LRBA: variants seen among roughly 807,000 people sequenced by gnomAD.
LRBA encodes lipopolysaccharide-responsive and beige-like anchor protein.
A neutral mutation model predicts 330.0 loss-of-function variants in LRBA; 176 were observed. The ratio of observed to expected loss-of-function variants is 0.53; its 90% CI spans 0.47 to 0.60. The LOEUF is 0.60. Among genes scored for constraint, LRBA ranks in the 20% least tolerant of loss-of-function variants. The probability of loss-of-function intolerance (pLI) is 0.00; values close to 1 mark genes in which losing one functional copy is unlikely to be tolerated. For missense variants in LRBA, 3,259 were observed against 3,444.8 expected (o/e 0.95, Z 1.35); for synonymous variants, 1,230 against 1,193.0 (o/e 1.03, Z -0.64).
chr4:150,421,187 A>G (rs1222888335), intron 46 of LRBA, among the ~76,000 whole-genome samples: 1 of 134,812 alleles, frequency 7.4e-6, no homozygotes, highest in Non-Finnish European at 1.5e-5. Context: ...TAGATAATAT[A>G]TAAAACATAT....
At chr4:150,654,469 A>G (rs1176140660) in intron 37 of LRBA, among the ~76,000 whole-genome samples, 1 of 152,176 alleles carries the variant, frequency 6.6e-6, no homozygotes, top group Non-Finnish European at 1.5e-5. Flanking sequence ...GATTGCAGGC[A>G]CGAGGCACTG....
At chr4:150,354,294 C>CA (rs1210654458) in intron 47 of LRBA, among the ~76,000 whole-genome samples, 2 of 151,676 alleles carry the variant, frequency 1.3e-5, no homozygotes, top group African/African-American at 2.4e-5. Context: ...TTTTTAGTTA[C>CA]AAAAAAATGA....
intron 37 of LRBA, among the ~76,000 whole-genome samples, chr4:150,605,683 C>T (rs545566088): frequency 1.3e-5 from 2 of 152,132 alleles, no homozygotes; most frequent in East Asian, 1.9e-4. Context: ...AAAGGTTTCA[C>T]ATTCTGTATA....
chr4:150,818,263 A>G (rs1302929952), intron 30 of LRBA, among the ~76,000 whole-genome samples: 1 of 152,070 alleles, frequency 6.6e-6, no homozygotes, highest in African/African-American at 2.4e-5. Context: ...AAAGCAAAAT[A>G]GGTTTCGTTT....
intron 47 of LRBA, among the ~76,000 whole-genome samples, chr4:150,402,406 A>G (rs1017263804): frequency 1.3e-5 from 2 of 152,142 alleles, no homozygotes; most frequent in Non-Finnish European, 2.9e-5. Context: ...GAAAGAAAGA[A>G]GCGGGGAAGA....
chr4:150,376,639 G>T (rs1359879453), intron 47 of LRBA, among the ~76,000 whole-genome samples: 2 of 152,024 alleles, frequency 1.3e-5, no homozygotes, highest in Non-Finnish European at 2.9e-5. Flanking sequence ...GCATTTAGTT[G>T]TTGTGTCTAT....
At chr4:150,544,191 G>C (rs958145266) in intron 40 of LRBA, among the ~76,000 whole-genome samples, 1 of 150,426 alleles carries the variant, frequency 6.6e-6, no homozygotes, top group Non-Finnish European at 1.5e-5. Context: ...GCAGTGGTAC[G>C]ATCTCGGCTC....
intron 44 of LRBA, among the ~76,000 whole-genome samples, chr4:150,452,731 C>T (rs543428268): frequency 1.3e-5 from 2 of 151,986 alleles, no homozygotes; most frequent in Non-Finnish European, 2.9e-5. Context: ...TTTCCCCTAA[C>T]ACAAAAGACA....
At chr4:150,529,058 T>C (rs967784393) in intron 40 of LRBA, among the ~76,000 whole-genome samples, 1 of 152,190 alleles carries the variant, frequency 6.6e-6, no homozygotes, top group Admixed American at 6.5e-5. Context: ...AGATCATACA[T>C]GTCACCAGGA....
chr4:150,827,194 G>A (rs2126806578), intron 30 of LRBA, among the ~76,000 whole-genome samples: 1 of 152,236 alleles, frequency 6.6e-6, no homozygotes, highest in East Asian at 1.9e-4. Context: ...AAAATGAACT[G>A]ACATTAGACA....
Position 150,613,901 on chromosome 4 carries a change from C to T in LRBA, c.5922-14770G>A, listed in dbSNP as rs572982669. ...TCCTTACTTGGAGAGGAAGGGAAAA[C>T]TCTGAAGACAGTATTCCCTACTCTG... On this transcript the variant is annotated intron_variant, in intron 37 of 56. Coordinates refer to ENST00000651943, the MANE Select transcript of LRBA (RefSeq NM_001364905.1). Among the ~76,000 whole-genome samples, 4 of 152,324 alleles carry T rather than the reference C, an allele frequency of 2.6e-5. No homozygotes were observed. In the East Asian group the frequency reaches 7.7e-4, roughly 29 times the overall value.
At chr4:150,453,893 G>T (rs771266541) in intron 44 of LRBA, among the ~76,000 whole-genome samples, 3 of 152,034 alleles carry the variant, frequency 2.0e-5, no homozygotes. Flanking sequence ...CTAAATGTAA[G>T]AATTCATAAT....
At chr4:150,502,975 C>A (rs1435219210) in intron 40 of LRBA, among the ~76,000 whole-genome samples, 1 of 152,214 alleles carries the variant, frequency 6.6e-6, no homozygotes, top group Non-Finnish European at 1.5e-5. Flanking sequence ...AGTCTGAGAT[C>A]AAACTGCAAG....
intron 40 of LRBA, among the ~76,000 whole-genome samples, chr4:150,558,265 T>C (rs1299019432): frequency 6.6e-6 from 1 of 152,072 alleles, no homozygotes; most frequent in African/African-American, 2.4e-5. Context: ...GGAGTAATGG[T>C]CCATTTCTTT....
chr4:150,786,249 C>A (rs2126619237), intron 34 of LRBA, among the ~76,000 whole-genome samples: 1 of 143,992 alleles, frequency 6.9e-6, no homozygotes, highest in Non-Finnish European at 1.5e-5. Context: ...TTGCATTTTG[C>A]ATTTCTTTTT....
intron 37 of LRBA, among the ~76,000 whole-genome samples, chr4:150,603,823 A>C (rs1774359057): frequency 6.6e-6 from 1 of 152,140 alleles, no homozygotes; most frequent in Non-Finnish European, 1.5e-5. Context: ...TAATACATAG[A>C]ATATATGTTT....
chr4:150,548,726 C>T (rs962870896), intron 40 of LRBA, among the ~76,000 whole-genome samples: 5 of 152,146 alleles, frequency 3.3e-5, no homozygotes, highest in Non-Finnish European at 7.4e-5. Flanking sequence ...ATAAGTGCTA[C>T]TTATTATTGA....
intron 35 of LRBA, among the ~76,000 whole-genome samples, chr4:150,738,880 A>T (rs1001957400): frequency 1.3e-5 from 2 of 152,064 alleles, no homozygotes; most frequent in Admixed American, 6.5e-5. Flanking sequence ...CAAGATGTGG[A>T]GCAAATATAA....
chr4:150,516,217 CTTTTTTTT>C (rs869205771), intron 40 of LRBA, among the ~76,000 whole-genome samples: 41 of 29,444 alleles, frequency 1.4e-3, no homozygotes, highest in African/African-American at 3.2e-3. Flanking sequence ...TTTCTATTCT[CTTTTTTTT>C]TTTTTTTTTT....
Sources: gnomAD v4.1 joint callset for allele counts (sites outside exome capture counted in the v4.1 genomes callset) on GRCh38, gnomAD v4.1.1 for gene constraint, MANE v1.5 for transcripts, NCBI Gene and HGNC (gene_info 2026-07-23, HGNC 2026-07-21) for gene names.